PRSS48: variants seen among roughly 807,000 people sequenced by gnomAD.
The protein encoded by PRSS48 is serine protease 48, also known as epidermis-specific serine protease-like protein.
PRSS48 carries 21 observed loss-of-function variants against 25.6 expected under a neutral mutation model. The observed-to-expected ratio is 0.82, with a 90% CI of 0.58 to 1.18. The LOEUF is 1.18. PRSS48 is among the 50% of genes most tolerant of loss of function. The pLI is 0.00. For missense variants in PRSS48, 373 were observed against 399.3 expected, an observed-to-expected ratio of 0.93 and a Z score of 0.56; for synonymous variants, 150 against 149.3, an observed-to-expected ratio of 1.00 and a Z score of -0.04.
In PRSS48 at chr4:151,277,198, C is replaced by T. The variant is rs747003883; in HGVS notation, c.26C>T (p.Thr9Met). ...ATGGGCCCTGCTGGCTGTGCCTTCACGCTGCTCCTTCTGCTGGGGATCTCA... is the reference window on the plus strand; with the variant it reads ...ATGGGCCCTGCTGGCTGTGCCTTCATGCTGCTCCTTCTGCTGGGGATCTCA... Residue 9 changes from threonine (T) to methionine (M), a missense_variant, in exon 1 of 5, where the codon ACG becomes ATG. Physicochemically the swap from Thr to Met is moderately conservative, Grantham distance 81. Transcript: ENST00000455694. 6.7e-5 allele frequency: 100 copies of T among 1,501,324 alleles called. No individual in the cohort carries two copies. Among genetic ancestry groups the T allele is most frequent in the Non-Finnish European group, 7.7e-5 (86 of 1,113,100 alleles). The allele number at this position is 1,501,324 out of a possible 1,614,324, so 93.0% of individuals were successfully genotyped here. A position where few individuals can be genotyped will look rare whatever the true frequency, so the allele number is the denominator to read the frequency against.
intron 4 of PRSS48, among the ~76,000 whole-genome samples, chr4:151,283,973 GT>G (rs1298628266): frequency 6.6e-6 from 1 of 152,128 alleles, no homozygotes; most frequent in African/African-American, 2.4e-5. Flanking sequence ...GTAATGTGTT[GT>G]TTTGCTCTGG....
intron 4 of PRSS48, among the ~76,000 whole-genome samples, chr4:151,289,179 C>T (rs1355966088): frequency 2.0e-5 from 3 of 152,126 alleles, no homozygotes; most frequent in African/African-American, 7.2e-5. Flanking sequence ...AAGTAGACAA[C>T]CACATGCAAA....
chr4:151,288,606 G>A (rs555265868), intron 4 of PRSS48, among the ~76,000 whole-genome samples: 88 of 151,924 alleles, frequency 5.8e-4, no homozygotes, highest in African/African-American at 2.1e-3. Flanking sequence ...AACTTGCTGG[G>A]CGTAGTGAGC....
chr4:151,289,943 A>C (rs1053031100), intron 4 of PRSS48, among the ~76,000 whole-genome samples: 1 of 152,080 alleles, frequency 6.6e-6, no homozygotes, highest in Non-Finnish European at 1.5e-5. Context: ...CCGGTACACA[A>C]GTGTTCACAG....
At chr4:151,287,007 A>AATG (rs1294865381) in intron 4 of PRSS48, among the ~76,000 whole-genome samples, 1 of 149,018 alleles carries the variant, frequency 6.7e-6, no homozygotes, top group East Asian at 2.0e-4. Flanking sequence ...TAATAATAAT[A>AATG]ATAGTAATTA....
chr4:151,287,873 C>A (rs1774967780), intron 4 of PRSS48, among the ~76,000 whole-genome samples: 1 of 151,976 alleles, frequency 6.6e-6, no homozygotes, highest in African/African-American at 2.4e-5. Context: ...AAGTGAGACC[C>A]CTCTCTCTTT....
At chr4:151,286,782 C>G (rs927209557) in intron 4 of PRSS48, among the ~76,000 whole-genome samples, 3 of 151,520 alleles carry the variant, frequency 2.0e-5, no homozygotes, top group African/African-American at 7.3e-5. Context: ...GAGTTCGAGA[C>G]GAGCCTAGCA....
intron 4 of PRSS48, among the ~76,000 whole-genome samples, chr4:151,287,528 C>T (rs1460875312): frequency 1.3e-5 from 2 of 151,910 alleles, no homozygotes; most frequent in Admixed American, 6.6e-5. Flanking sequence ...ACCGGAATGC[C>T]GATTTCATGT....
intron 3 of PRSS48, 92 bp from the exon 4 acceptor site, chr4:151,283,025 T>C: frequency 5.3e-6 from 6 of 1,137,172 alleles, no homozygotes; most frequent in Non-Finnish European, 7.5e-6. Context: ...GCTTTTGGAT[T>C]CCCATTCAGA....
In PRSS48 at chr4:151,279,469, A is replaced by G. The variant is rs938653169; in HGVS notation, c.53-327A>G. 1.4e-4 allele frequency among the ~76,000 whole-genome samples: 21 copies of G among 152,356 alleles called. 1 individual carries two copies. Among genetic ancestry groups the G allele is most frequent in the Admixed American group, 9.8e-4 (15 of 15,310 alleles). Reference sequence around the variant, plus strand: ...GCATTTGAAAATTTTGGCCTTTAACACCAATCTGGAAAATTTAAATATAAA... The same window carrying G: ...GCATTTGAAAATTTTGGCCTTTAACGCCAATCTGGAAAATTTAAATATAAA... On this transcript the variant is annotated intron_variant, in intron 1 of 4. Transcript: ENST00000455694.
chr4:151,284,831 T>C (rs1212506661), intron 4 of PRSS48, among the ~76,000 whole-genome samples: 13 of 152,230 alleles, frequency 8.5e-5, no homozygotes, highest in Non-Finnish European at 2.9e-5. Flanking sequence ...GCAGTTATTT[T>C]AGCCTTAGCT....
At chr4:151,283,320 C>A (rs530056809) in intron 4 of PRSS48, 34 bp downstream of exon 4, 2 of 1,599,410 alleles carry the variant, frequency 1.3e-6, no homozygotes, top group East Asian at 4.5e-5. Context: ...TTTTTTTAAA[C>A]ATGAGATCTT....
chr4:151,283,695 T>C (rs4385037), intron 4 of PRSS48, among the ~76,000 whole-genome samples: 54,730 of 151,546 alleles, frequency 0.36, 10,867 homozygotes, highest in Middle Eastern at 0.45. Context: ...CATACTTTTT[T>C]CATTTTTTTG....
intron 1 of PRSS48, 38 bp from the exon 2 acceptor site, chr4:151,279,758 C>T (rs750721118): frequency 3.4e-5 from 54 of 1,600,340 alleles, no homozygotes; most frequent in Middle Eastern, 1.7e-4. Flanking sequence ...AAACAGGACT[C>T]CTAGGTTTCC....
chr4:151,283,250 T>C (rs767037930), exon 4 of PRSS48: 1 of 1,613,782 alleles, frequency 6.2e-7, no homozygotes, highest in Non-Finnish European at 8.5e-7. Context: ...ACAAGATTTG[T>C]GCTGGTGATA....
chr4:151,286,600 TAA>T (rs200710507), intron 4 of PRSS48, among the ~76,000 whole-genome samples: 34 of 132,794 alleles, frequency 2.6e-4, no homozygotes, highest in African/African-American at 7.7e-4. Flanking sequence ...CATTTGTGAT[TAA>T]AAAAAAAAAA....
In PRSS48 at chr4:151,279,959, G is replaced by A. The variant is rs563572876; in HGVS notation, c.215+1G>A. 7.2e-6 allele frequency: 11 copies of A among 1,524,990 alleles called. No individual in the cohort carries two copies. The highest frequency in any genetic ancestry group is 4.6e-5 in the South Asian group (4 of 86,184). The allele number at this position is 1,524,990 out of a possible 1,614,324, so 94.5% of individuals were successfully genotyped here. ...TGACAGCAGCACACTGCATACAACC[G>A]TGAGTTCTAGCTGGCAGCTAACACA... On this transcript the variant is annotated splice_donor_variant, in intron 2 of 4. Transcript: ENST00000455694. LOFTEE classifies it high-confidence loss of function.
intron 1 of PRSS48, among the ~76,000 whole-genome samples, chr4:151,278,777 T>C (rs1417627668): frequency 6.6e-6 from 1 of 152,278 alleles, no homozygotes; most frequent in African/African-American, 2.4e-5. Flanking sequence ...ACTACAGGCA[T>C]GCACCATCAT....
chr4:151,281,902 G>T lies in PRSS48; in HGVS notation c.216-246G>T, dbSNP rs571217990. On this transcript the variant is annotated intron_variant, in intron 2 of 4. Coordinates refer to ENST00000455694, the Ensembl canonical transcript of PRSS48. ...GAGAGGTAAATGAGAGAACCGGAGAGAAAACACAGGGCAAAACTCAAGCCA... is the reference window on the plus strand; with the variant it reads ...GAGAGGTAAATGAGAGAACCGGAGATAAAACACAGGGCAAAACTCAAGCCA... 1.1e-4 allele frequency among the ~76,000 whole-genome samples: 16 copies of T among 152,110 alleles called. No homozygotes were observed. The South Asian group carries it at 3.4e-3, about 32-fold the overall frequency.
Sources: gnomAD v4.1 joint callset for allele counts (sites outside exome capture counted in the v4.1 genomes callset) on GRCh38, gnomAD v4.1.1 for gene constraint, MANE v1.5 for transcripts, NCBI Gene and HGNC (gene_info 2026-07-23, HGNC 2026-07-21) for gene names.